Variants in FSTL5 observed in about 807,000 individuals in gnomAD.
The protein encoded by FSTL5 is follistatin-related protein 5.
FSTL5 carries 62 observed loss-of-function variants against 89.1 expected under a neutral mutation model. The ratio of observed to expected loss-of-function variants is 0.70; its 90% CI spans 0.57 to 0.86. FSTL5 has a LOEUF of 0.86. Ranked by LOEUF, FSTL5 falls within the 40% of genes least tolerant of loss-of-function variation. FSTL5 has a pLI of 0.00. For missense variants in FSTL5, 1,057 were observed against 1,001.6 expected, an observed-to-expected ratio of 1.06 and a Z score of -0.75; for synonymous variants, 383 against 346.2, an observed-to-expected ratio of 1.11 and a Z score of -1.18.
At chr4:161,812,879 C>CAAAAAAAAAAAAAAAAAAAAAA (rs35183730) in intron 4 of FSTL5, among the ~76,000 whole-genome samples, 7 of 41,566 alleles carry the variant, frequency 1.7e-4, no homozygotes, top group Non-Finnish European at 2.1e-4. Context: ...TAAATCCCAG[C>CAAAAAAAAAAAAAAAAAAAAAA]AAAAAAAAAA....
At chr4:161,479,069 A>G (rs1297630002) in intron 13 of FSTL5, among the ~76,000 whole-genome samples, 3 of 152,088 alleles carry the variant, frequency 2.0e-5, no homozygotes, top group South Asian at 4.1e-4. Flanking sequence ...AATTATTATT[A>G]TAATAACATG....
chr4:161,790,537 T>G (rs537558947), intron 4 of FSTL5, among the ~76,000 whole-genome samples: 1 of 152,320 alleles, frequency 6.6e-6, no homozygotes, highest in South Asian at 2.1e-4. Context: ...GAAGAAAGCT[T>G]TTTATTATGA....
chr4:161,388,469 T>C (rs1201740500), intron 15 of FSTL5: 1 of 152,092 alleles, frequency 6.6e-6, no homozygotes, highest in Non-Finnish European at 1.5e-5. Context: ...TATTTCTGTG[T>C]CTCTGCATCA....
chr4:161,643,655 C>T (rs140900605), intron 7 of FSTL5, among the ~76,000 whole-genome samples: 2 of 152,176 alleles, frequency 1.3e-5, no homozygotes, highest in East Asian at 3.9e-4. Context: ...TTCTTGCCTA[C>T]TCTATTGCAT....
intron 10 of FSTL5, among the ~76,000 whole-genome samples, chr4:161,527,032 C>A (rs1183998258): frequency 6.6e-6 from 1 of 152,094 alleles, no homozygotes; most frequent in Non-Finnish European, 1.5e-5. Context: ...TTACCTTGGG[C>A]AGTATGGCCA....
intron 4 of FSTL5, among the ~76,000 whole-genome samples, chr4:161,872,131 TTTTTTTTTGG>T (rs1419614121): frequency 2.4e-4 from 9 of 37,984 alleles, no homozygotes; most frequent in African/African-American, 6.2e-4. Flanking sequence ...GTAGTTTGTT[TTTTTTTTTGG>T]TTTTTTTTTT....
chr4:162,141,617 A>G (rs1732750356), intron 1 of FSTL5, among the ~76,000 whole-genome samples: 1 of 152,148 alleles, frequency 6.6e-6, no homozygotes, highest in South Asian at 2.1e-4. Flanking sequence ...GAGCAATGCA[A>G]ATGAACTAAG....
chr4:161,582,892 A>C (rs1470742340), intron 8 of FSTL5, among the ~76,000 whole-genome samples: 2 of 152,134 alleles, frequency 1.3e-5, no homozygotes, highest in Non-Finnish European at 2.9e-5. Flanking sequence ...AACTTTTTTA[A>C]AAAGTTCTGT....
At chr4:161,972,790 T>G (rs920565926) in intron 3 of FSTL5, among the ~76,000 whole-genome samples, 2 of 152,210 alleles carry the variant, frequency 1.3e-5, no homozygotes, top group African/African-American at 4.8e-5. Flanking sequence ...AGTATCTAAG[T>G]TTGTGGTAAT....
At chr4:162,053,670 A>G (rs932879544) in intron 2 of FSTL5, among the ~76,000 whole-genome samples, 2 of 151,836 alleles carry the variant, frequency 1.3e-5, no homozygotes, top group African/African-American at 4.8e-5. Flanking sequence ...ATCCTTTTAT[A>G]TGAATGATTA....
At chr4:161,980,584 T>C in intron 3 of FSTL5, among the ~76,000 whole-genome samples, 1 of 151,974 alleles carries the variant, frequency 6.6e-6, no homozygotes, top group East Asian at 1.9e-4. Flanking sequence ...CAATTTAGTC[T>C]TTTGCCTCTC....
chr4:161,451,096 T>G (rs1171279566), intron 15 of FSTL5, among the ~76,000 whole-genome samples: 4 of 152,124 alleles, frequency 2.6e-5, no homozygotes, highest in African/African-American at 9.7e-5. Context: ...CTGTATATTT[T>G]TATTTATAAA....
chr4:161,694,324 C>A (rs569447355), intron 6 of FSTL5, among the ~76,000 whole-genome samples: 75 of 152,094 alleles, frequency 4.9e-4, no homozygotes, highest in Non-Finnish European at 1.0e-3. Context: ...TGGTAGGTAC[C>A]TTAGGCTTTG....
chr4:161,790,200 G>T (rs1053453817), intron 4 of FSTL5, among the ~76,000 whole-genome samples: 1 of 152,162 alleles, frequency 6.6e-6, no homozygotes, highest in Non-Finnish European at 1.5e-5. Flanking sequence ...ACAATGTTTT[G>T]ATTGTTTAGA....
At chr4:161,859,767 A>G (rs1440472223) in intron 4 of FSTL5, among the ~76,000 whole-genome samples, 1 of 152,174 alleles carries the variant, frequency 6.6e-6, no homozygotes, top group East Asian at 1.9e-4. Context: ...AGGCTTGAAT[A>G]CCACGGATTA....
At chr4:162,155,081 T>C (rs1733413704) in intron 1 of FSTL5, among the ~76,000 whole-genome samples, 1 of 152,176 alleles carries the variant, frequency 6.6e-6, no homozygotes, top group Admixed American at 6.6e-5. Context: ...CCTCACCTTG[T>C]GTGTAGGCAG....
chr4:162,018,312 T>A (rs1736975859), intron 3 of FSTL5, among the ~76,000 whole-genome samples: 1 of 152,134 alleles, frequency 6.6e-6, no homozygotes, highest in South Asian at 2.1e-4. Context: ...TGGTTAAAAA[T>A]GTATTAAGCA....
chr4:161,769,332 T>C (rs1445512945), intron 5 of FSTL5, among the ~76,000 whole-genome samples: 1 of 151,890 alleles, frequency 6.6e-6, no homozygotes, highest in Non-Finnish European at 1.5e-5. Context: ...TCAAACTCAT[T>C]CCATGAGACC....
intron 3 of FSTL5, among the ~76,000 whole-genome samples, chr4:161,977,639 A>AAAAAAAAAAAAAATAAT (rs1553988132): frequency 9.9e-6 from 1 of 101,244 alleles, no homozygotes; most frequent in African/African-American, 4.1e-5. Context: ...AAAAAAAAAA[A>AAAAAAAAAAAAAATAAT]AATAATAATA....
Sources: gnomAD v4.1 joint callset for allele counts (sites outside exome capture counted in the v4.1 genomes callset) on GRCh38, gnomAD v4.1.1 for gene constraint, MANE v1.5 for transcripts, NCBI Gene and HGNC (gene_info 2026-07-23, HGNC 2026-07-21) for gene names.